C3orf22: variants seen among roughly 807,000 people sequenced by gnomAD.
The protein encoded by C3orf22 is chromosome 3 open reading frame 22.
A neutral mutation model predicts 10.8 loss-of-function variants in C3orf22; 7 were observed. The ratio of observed to expected loss-of-function variants is 0.65; its 90% confidence interval spans 0.37 to 1.22. The LOEUF (loss-of-function observed/expected upper bound fraction) is 1.22. Among genes scored for constraint, C3orf22 ranks in the 50% most tolerant of loss-of-function variants. C3orf22 has a pLI of 0.02. For synonymous variants in C3orf22, 79 were observed against 78.9 expected, an observed-to-expected ratio of 1.00 and a Z score of 0.00; for missense variants, 173 against 177.0, an observed-to-expected ratio of 0.98 and a Z score of 0.13.
At chr3:126,537,656 C>T (rs972568656) in intron 4 of C3orf22, among the ~76,000 whole-genome samples, 15 of 152,188 alleles carry the variant, frequency 9.9e-5, no homozygotes, top group African/African-American at 2.9e-4. Flanking sequence ...CTAGCTCTGG[C>T]GGCTTCTGAG....
At chr3:126,545,407 T>C (rs1379684466), downstream of C3orf22, among the ~76,000 whole-genome samples, 2 of 152,268 alleles carry the variant, frequency 1.3e-5, no homozygotes, top group African/African-American at 4.8e-5. Flanking sequence ...GCTTTCATTG[T>C]CAGGAAAATG....
At chr3:126,551,382 C>G (rs1054345780) in intron 3 of C3orf22, among the ~76,000 whole-genome samples, 3 of 152,170 alleles carry the variant, frequency 2.0e-5, no homozygotes, top group African/African-American at 7.2e-5. Context: ...TTCCCCGTGC[C>G]GTGCATGACT....
intron 1 of C3orf22, 36 bp from the exon 2 acceptor site, chr3:126,553,466 GTGGT>G: frequency 7.8e-7 from 1 of 1,285,282 alleles, no homozygotes; most frequent in Non-Finnish European, 1.1e-6. Flanking sequence ...GGGGGCAGGG[GTGGT>G]GGGGGGCAGA....
At chr3:126,557,168 A>G (rs955010882) in intron 1 of C3orf22, among the ~76,000 whole-genome samples, 2 of 152,140 alleles carry the variant, frequency 1.3e-5, no homozygotes, top group African/African-American at 4.8e-5. Flanking sequence ...ACACCCCCAC[A>G]CACAGGCAGG....
At chr3:126,529,916 C>T (rs973952082) in intron 4 of C3orf22, among the ~76,000 whole-genome samples, 5 of 152,244 alleles carry the variant, frequency 3.3e-5, no homozygotes, top group Non-Finnish European at 7.3e-5. Context: ...CTGTCTGCTC[C>T]TCTGTCCCCT....
At chr3:126,536,896 A>AACACACACACACACACAC (rs10670471) in intron 4 of C3orf22, among the ~76,000 whole-genome samples, 1 of 140,400 alleles carries the variant, frequency 7.1e-6, no homozygotes, top group African/African-American at 2.7e-5. Flanking sequence ...CACACACACA[A>AACACACACACACACACAC]ACACACACAC....
downstream of C3orf22, chr3:126,549,619 A>G: frequency 6.9e-7 from 1 of 1,446,320 alleles, no homozygotes; most frequent in Non-Finnish European, 9.2e-7. Context: ...TGCAAGATTA[A>G]ACATTATTAC....
At chr3:126,550,275 C>T (rs1937151564) in intron 3 of C3orf22, among the ~76,000 whole-genome samples, 197 bp from the exon 4 acceptor site, 1 of 151,944 alleles carries the variant, frequency 6.6e-6, no homozygotes, top group Non-Finnish European at 1.5e-5. Context: ...GCACCGCACA[C>T]TCACCCCCCC....
At chr3:126,547,785 G>A (rs914264972), downstream of C3orf22, among the ~76,000 whole-genome samples, 3 of 152,134 alleles carry the variant, frequency 2.0e-5, no homozygotes, top group Non-Finnish European at 4.4e-5. Flanking sequence ...TTGGGGAGGG[G>A]AGACAGTACA....
At chr3:126,538,464 C>G (rs1936847462) in intron 4 of C3orf22, among the ~76,000 whole-genome samples, 1 of 152,226 alleles carries the variant, frequency 6.6e-6, no homozygotes, top group African/African-American at 2.4e-5. Flanking sequence ...CACATTCCCC[C>G]CGAACCCCCG....
At position 126,552,556 on chromosome 3, in the gene C3orf22, C is replaced by T. The variant is rs907485478; in HGVS notation, c.90-434G>A. On this transcript the variant is annotated intron_variant, in intron 2 of 3. Coordinates refer to ENST00000318225, the MANE Select transcript of C3orf22 (RefSeq NM_152533.3). ...CAGTTTCCTGGGGCAAGGACAAGAA[C>T]AGGTGCTCAGCTGGCCCGGCACAGG... is the stretch of plus-strand genomic sequence containing the variant. 2.6e-5 allele frequency among the ~76,000 whole-genome samples: 4 copies of T among 152,218 alleles called. No homozygotes were observed. The South Asian group carries it at 8.3e-4, about 31-fold the overall frequency.
At chr3:126,553,561 C>A (rs931590966) in intron 1 of C3orf22, 131 bp from the exon 2 acceptor site, 2 of 630,876 alleles carry the variant, frequency 3.2e-6, no homozygotes, top group East Asian at 2.7e-5. Flanking sequence ...TGTGCATGCA[C>A]CGCTGTGTTC....
At chr3:126,543,978 C>T (rs1009188990) in intron 4 of C3orf22, among the ~76,000 whole-genome samples, 1 of 152,192 alleles carries the variant, frequency 6.6e-6, no homozygotes, top group Admixed American at 6.5e-5. Flanking sequence ...CCATTTCCAG[C>T]GTTCCCTGGG....
chr3:126,529,376 C>T lies in C3orf22; in HGVS notation c.287-4G>A, dbSNP rs1030949280. The T allele has an allele frequency of 1.9e-5, 24 of 1,289,132 alleles. No individual in the cohort carries two copies. In the East Asian group the frequency reaches 3.3e-4, roughly 18 times the overall value. The allele number at this position is 1,289,132 out of a possible 1,614,324, so 79.9% of individuals were successfully genotyped here. Reference sequence around the variant, plus strand: ...CAGTGAAATGGGGCCCACTTGCCTACGGATGCCGCAAGGGGGGACAGGTGT... The same window carrying T: ...CAGTGAAATGGGGCCCACTTGCCTATGGATGCCGCAAGGGGGGACAGGTGT... On this transcript the variant is annotated splice_region_variant and splice_polypyrimidine_tract_variant and intron_variant and NMD_transcript_variant, in intron 4 of 5. Transcript: ENST00000505070.
rs771318134 is a variant in C3orf22, at chr3:126,553,374, C to T, written c.17G>A (p.Cys6Tyr). The change falls in exon 2 of 4, where the codon TGC becomes TAC. Residue 6 changes from cysteine (C) to tyrosine (Y), a missense_variant. Physicochemically the swap from Cys to Tyr is radical, Grantham distance 194 (BLOSUM62 -2). Coordinates refer to ENST00000318225, the MANE Select transcript of C3orf22 (RefSeq NM_152533.3). Reference protein sequence around the residue: MDSSACKKSHQSKKWR... With the variant: MDSSAYKKSHQSKKWR... ...CTTCTTACTCTGGTGAGACTTCTTG[C>T]AGGCACTGGAGTCCATCACTGAGTG... 23 of 1,613,820 alleles carry T rather than the reference C, an allele frequency of 1.4e-5. No individual in the cohort carries two copies. Among genetic ancestry groups the T allele is most frequent in the Non-Finnish European group, 8.5e-7 (1 of 1,179,978 alleles).
At chr3:126,548,333 T>A (rs28731042), downstream of C3orf22, among the ~76,000 whole-genome samples, 23,621 of 152,152 alleles carry the variant, frequency 0.16, 2,831 homozygotes, top group African/African-American at 0.34. Flanking sequence ...AAAGATGTGG[T>A]GACCTGATGG....
At chr3:126,541,919 G>A in intron 4 of C3orf22, 1 of 1,598,552 alleles carries the variant, frequency 6.3e-7, no homozygotes, top group South Asian at 1.1e-5. Flanking sequence ...CTGGAAGCGC[G>A]TGCTGCTGGC....
chr3:126,556,525 G>T (rs978259760), intron 1 of C3orf22, among the ~76,000 whole-genome samples: 3 of 151,316 alleles, frequency 2.0e-5, no homozygotes, highest in African/African-American at 7.3e-5. Flanking sequence ...CCTGCTTGGG[G>T]ACTGCACATC....
At chr3:126,539,808 C>G in intron 4 of C3orf22, among the ~76,000 whole-genome samples, 1 of 99,538 alleles carries the variant, frequency 1.0e-5, no homozygotes, top group African/African-American at 4.2e-5. Flanking sequence ...CACCACACCA[C>G]ACACCACAAA....
Sources: gnomAD v4.1 joint callset for allele counts (sites outside exome capture counted in the v4.1 genomes callset) on GRCh38, gnomAD v4.1.1 for gene constraint, MANE v1.5 for transcripts, NCBI Gene and HGNC (gene_info 2026-07-23, HGNC 2026-07-21) for gene names.